MBD5: variants seen among roughly 807,000 people sequenced by gnomAD.
MBD5 encodes methyl-CpG-binding domain protein 5.
MBD5 carries 13 observed loss-of-function variants against 117.3 expected under a neutral mutation model. The observed-to-expected ratio is 0.11, with a 90% confidence interval of 0.07 to 0.18. MBD5 has a LOEUF of 0.18. MBD5 is among the 10% of genes least tolerant of loss of function. The probability of loss-of-function intolerance (pLI) is 1.00; values close to 1 mark genes in which losing one functional copy is unlikely to be tolerated. For synonymous variants in MBD5, 727 were observed against 766.4 expected, an observed-to-expected ratio of 0.95 and a Z score of 0.85; for missense variants, 1,879 against 2,093.8, an observed-to-expected ratio of 0.90 and a Z score of 2.00.
intron 1 of MBD5, chr2:148,026,610 G>A (rs985815887): frequency 1.3e-5 from 2 of 152,024 alleles, no homozygotes; most frequent in Non-Finnish European, 2.9e-5. Flanking sequence ...GCCACAGAGC[G>A]GGACCTTGTC....
At chr2:148,342,516 CAT>C (rs1328225345) in intron 4 of MBD5, among the ~76,000 whole-genome samples, 180 bp downstream of exon 4, 5 of 151,820 alleles carry the variant, frequency 3.3e-5, no homozygotes, top group African/African-American at 9.7e-5. Context: ...AAAATGAATA[CAT>C]GTTTACTATT....
rs76349676 is a variant in MBD5, at chr2:148,173,035, G to A, written c.-924-5665G>A. ...GCCTGCTCACCCTCCAGTTGTTCGC[G>A]TACCTCATTCTTGCTGGATGGTGAG... On this transcript the variant is annotated intron_variant, in intron 1 of 13. Coordinates refer to ENST00000642680, the MANE Select transcript of MBD5 (RefSeq NM_001378120.1). Among the ~76,000 whole-genome samples the A allele has an allele frequency of 2.4e-3, 368 of 152,208 alleles. 5 individuals carry two copies. The highest frequency in any genetic ancestry group is 0.019 in the East Asian group (99 of 5,160).
intron 1 of MBD5, among the ~76,000 whole-genome samples, chr2:148,129,356 G>C (rs887991407): frequency 6.6e-6 from 1 of 152,064 alleles, no homozygotes; most frequent in Non-Finnish European, 1.5e-5. Context: ...TTAGCCAGGC[G>C]TGGCGATGTG....
intron 4 of MBD5, among the ~76,000 whole-genome samples, chr2:148,385,437 G>T (rs1466317193): frequency 6.6e-6 from 1 of 152,022 alleles, no homozygotes; most frequent in African/African-American, 2.4e-5. Flanking sequence ...TTAGAATGGC[G>T]ATCATTAAAA....
chr2:148,112,677 C>G (rs1234181557), intron 1 of MBD5, among the ~76,000 whole-genome samples: 1 of 152,126 alleles, frequency 6.6e-6, no homozygotes, highest in African/African-American at 2.4e-5. Context: ...CCCAATTATA[C>G]TTACATTTTA....
chr2:148,098,572 A>C (rs1332281891), intron 1 of MBD5, among the ~76,000 whole-genome samples: 5 of 152,130 alleles, frequency 3.3e-5, no homozygotes, highest in African/African-American at 1.2e-4. Flanking sequence ...AGAGGTTATT[A>C]ACTTTCACAT....
At chr2:148,307,486 A>T (rs1301590640) in intron 3 of MBD5, among the ~76,000 whole-genome samples, 1 of 17,510 alleles carries the variant, frequency 5.7e-5, no homozygotes, top group Non-Finnish European at 6.9e-4. Context: ...ATCTTACTGT[A>T]GTAGAAAACT....
chr2:148,201,749 C>T (rs74700656), intron 2 of MBD5, among the ~76,000 whole-genome samples: 315 of 152,250 alleles, frequency 2.1e-3, no homozygotes, highest in African/African-American at 7.1e-3. Context: ...AGTGGTCCCC[C>T]ACCTGAAGTT....
At chr2:148,037,123 T>C (rs1039799007) in intron 1 of MBD5, among the ~76,000 whole-genome samples, 3 of 151,992 alleles carry the variant, frequency 2.0e-5, no homozygotes, top group Non-Finnish European at 4.4e-5. Flanking sequence ...ACTTAACATT[T>C]AGTATACTAC....
chr2:148,508,094 C>T (rs538196401), intron 12 of MBD5, among the ~76,000 whole-genome samples: 1 of 152,092 alleles, frequency 6.6e-6, no homozygotes, highest in East Asian at 1.9e-4. Context: ...CTGTCAGAAC[C>T]CTTGCCAAGC....
At chr2:148,032,538 TAAAC>T (rs1694068853) in intron 1 of MBD5, among the ~76,000 whole-genome samples, 1 of 152,058 alleles carries the variant, frequency 6.6e-6, no homozygotes, top group Non-Finnish European at 1.5e-5. Context: ...TACCGAATAT[TAAAC>T]AAAGGTCAAT....
chr2:148,120,140 C>A (rs911558800), intron 1 of MBD5, among the ~76,000 whole-genome samples: 1 of 152,166 alleles, frequency 6.6e-6, no homozygotes, highest in African/African-American at 2.4e-5. Flanking sequence ...TCTCAAACTC[C>A]TGGGCCCAGG....
At chr2:148,447,195 G>GA (rs1270880378) in intron 4 of MBD5, among the ~76,000 whole-genome samples, 3 of 9,578 alleles carry the variant, frequency 3.1e-4, no homozygotes, top group African/African-American at 3.6e-4. Flanking sequence ...AAGAAAGAAA[G>GA]AAAGAAAGAA....
intron 1 of MBD5, among the ~76,000 whole-genome samples, chr2:148,078,032 T>G (rs773918710): frequency 6.6e-6 from 1 of 152,140 alleles, no homozygotes; most frequent in Non-Finnish European, 1.5e-5. Flanking sequence ...AGCAACAGTT[T>G]GTAGAATTCT....
Position 148,490,338 on chromosome 2 carries a change from A to G in MBD5, c.4706A>G (p.Tyr1569Cys), listed in dbSNP as rs751807949. 4 of 1,614,196 alleles carry G rather than the reference A, an allele frequency of 2.5e-6. No individual in the cohort carries two copies. Among genetic ancestry groups the G allele is most frequent in the Non-Finnish European group, 8.5e-7 (1 of 1,180,036 alleles). Residue 1569 changes from tyrosine (Y) to cysteine (C), a missense_variant, in exon 11 of 14, where the codon TAC becomes TGC. By Grantham distance (194) the Tyr-to-Cys change is radical. Coordinates refer to ENST00000642680, the MANE Select transcript of MBD5 (RefSeq NM_001378120.1). The part of the protein sequence containing the change: ...ENSLVKDYIH[Y>C]NGDFNAKSVN... ...TCTCTGGTCAAAGACTACATCCATT[A>G]CAATGGAGACTTTAATGCCAAAAGC...
chr2:148,051,706 C>T (rs1224724889), intron 1 of MBD5, among the ~76,000 whole-genome samples: 2 of 150,572 alleles, frequency 1.3e-5, no homozygotes, highest in Non-Finnish European at 3.0e-5. Context: ...TTGAGATGAT[C>T]ATATGGTTTA....
At chr2:148,244,279 T>C (rs549053469) in intron 3 of MBD5, 2 of 152,222 alleles carry the variant, frequency 1.3e-5, no homozygotes, top group African/African-American at 4.8e-5. Flanking sequence ...ATGTAAAGCT[T>C]ATATTGTTAT....
At chr2:148,406,956 C>A (rs1705097812) in intron 4 of MBD5, among the ~76,000 whole-genome samples, 1 of 152,168 alleles carries the variant, frequency 6.6e-6, no homozygotes, top group Non-Finnish European at 1.5e-5. Flanking sequence ...ATAACATGAC[C>A]TGCAATTATT....
intron 3 of MBD5, among the ~76,000 whole-genome samples, chr2:148,271,768 A>C (rs2106344253): frequency 6.7e-6 from 1 of 149,564 alleles, no homozygotes; most frequent in Non-Finnish European, 1.5e-5. Context: ...CATTACCTCC[A>C]TTTTTACCAT....
Sources: gnomAD v4.1 joint callset for allele counts (sites outside exome capture counted in the v4.1 genomes callset) on GRCh38, gnomAD v4.1.1 for gene constraint, MANE v1.5 for transcripts, NCBI Gene and HGNC (gene_info 2026-07-23, HGNC 2026-07-21) for gene names.